The following ALPK3 variants were observed in gnomAD, a reference collection of about 807,000 sequenced individuals.
ALPK3 encodes the protein alpha kinase 3, also known as alpha-protein kinase 3.
ALPK3 carries 102 observed loss-of-function variants against 140.0 expected under a neutral mutation model. The ratio of observed to expected loss-of-function variants is 0.73; its 90% CI spans 0.62 to 0.86. ALPK3 has a LOEUF of 0.86. Among genes scored for constraint, ALPK3 ranks in the 40% least tolerant of loss-of-function variants. The probability of loss-of-function intolerance (pLI) is 0.00; values close to 1 mark genes in which losing one functional copy is unlikely to be tolerated. For synonymous variants in ALPK3, 938 were observed against 898.5 expected (o/e 1.04, Z -0.79); for missense variants, 2,254 against 2,208.2 (o/e 1.02, Z -0.42).
chr15:84,864,786 CT>C lies in ALPK3; in HGVS notation c.4723+125del, dbSNP rs1363770784. 7.3e-6 allele frequency: 8 copies of C among 1,095,842 alleles called. No homozygotes were observed. In the Admixed American group the frequency reaches 2.2e-4, roughly 30 times the overall value. The allele number at this position is 1,095,842 out of a possible 1,614,324, so 67.9% of individuals were successfully genotyped here. The stretch of plus-strand genomic sequence containing the variant: ...GCACCTTTGTCTTTATTCTTTTTTG[CT>C]TTTCACAATAATCTTGTAAAGTAGA... On this transcript the variant is annotated intron_variant, in intron 12 of 13. Transcript: ENST00000258888.
At chr15:84,849,350 A>G (rs1364809641) in intron 5 of ALPK3, among the ~76,000 whole-genome samples, 14 of 152,222 alleles carry the variant, frequency 9.2e-5, no homozygotes, top group Admixed American at 9.2e-4. Context: ...CTCAGTAATC[A>G]ATAGAACTAG....
rs1054259422 is a variant in ALPK3 at position 84,871,520 on chromosome 15, C to A, written c.*3064C>A. ...CCTTGCTGGGGGACTAAACTCTCCA[C>A]GCCAGCCCAGTCCCAAACCTAAACC... is the stretch of plus-strand genomic sequence containing the variant. On this transcript the variant is annotated 3_prime_UTR_variant, in exon 14 of 14. Coordinates refer to ENST00000258888, the MANE Select transcript of ALPK3 (RefSeq NM_020778.5). The A allele has an allele frequency of 6.6e-6, 1 of 152,254 alleles. No individual in the cohort carries two copies. The highest frequency in any genetic ancestry group is 1.5e-5 in the Non-Finnish European group (1 of 68,086). The allele number at this position is 152,254 out of a possible 1,614,324, so 9.4% of individuals were successfully genotyped here. A position where few individuals can be genotyped will look rare whatever the true frequency, so the allele number is the denominator to read the frequency against.
chr15:84,819,166 G>A (rs185222563), intron 1 of ALPK3, among the ~76,000 whole-genome samples: 3 of 152,356 alleles, frequency 2.0e-5, no homozygotes, highest in East Asian at 3.9e-4. Context: ...TTGTATGATA[G>A]ATAAATGTTA....
At chr15:84,865,164 G>C (rs755947761) in intron 12 of ALPK3, among the ~76,000 whole-genome samples, 18 of 151,850 alleles carry the variant, frequency 1.2e-4, no homozygotes, top group Non-Finnish European at 2.1e-4. Context: ...TTATTCCTAC[G>C]CCCCCCATTA....
intron 3 of ALPK3, among the ~76,000 whole-genome samples, chr15:84,829,274 TTC>T (rs1350367747): frequency 1.3e-5 from 2 of 152,378 alleles, no homozygotes; most frequent in South Asian, 4.1e-4. Context: ...TACCATCATT[TTC>T]TCTGTTTCCC....
At chr15:84,841,428 T>C (rs1422877883) in intron 5 of ALPK3, among the ~76,000 whole-genome samples, 1 of 152,244 alleles carries the variant, frequency 6.6e-6, no homozygotes, top group Non-Finnish European at 1.5e-5. Flanking sequence ...GGCATACCTA[T>C]ATGCAAATCT....
intron 12 of ALPK3, among the ~76,000 whole-genome samples, chr15:84,866,824 G>T (rs1173298767): frequency 6.6e-6 from 1 of 152,188 alleles, no homozygotes; most frequent in African/African-American, 2.4e-5. Flanking sequence ...CTGTTCAGAG[G>T]ATGAAGGTTT....
rs1158431329 is a variant in ALPK3, at chr15:84,862,759, T to C, written c.4254T>C (p.Cys1418=). ...SEELRGGGYG[C]GLRKASQAKV... is the part of the protein sequence containing the mutation. Reference sequence around the variant, plus strand: ...AGCTCCGAGGGGGTGGATATGGGTGTGGCCTTCGGAAGGCCTCCCAGGCCA... The same window carrying C: ...AGCTCCGAGGGGGTGGATATGGGTGCGGCCTTCGGAAGGCCTCCCAGGCCA... Residue 1418 remains cysteine (C), a synonymous_variant, in exon 10 of 14, where the codon TGT becomes TGC. Transcript: ENST00000258888. 1 of 1,614,128 alleles carries C rather than the reference T, an allele frequency of 6.2e-7. No homozygotes were observed. Among genetic ancestry groups the C allele is most frequent in the East Asian group, 2.2e-5 (1 of 44,854 alleles).
At position 84,857,585 on chromosome 15, in the gene ALPK3, C is replaced by T; in HGVS notation, c.2847C>T (p.Pro949=). 3 of 1,573,374 alleles carry T rather than the reference C, an allele frequency of 1.9e-6. No individual in the cohort carries two copies. Among genetic ancestry groups the T allele is most frequent in the Non-Finnish European group, 2.6e-6 (3 of 1,158,164 alleles). ...ATGTGGAGGGGCGGACCCCAGGTCC[C>T]CGGAGCTGTGACCCTGGCCTCATAG... The part of the protein sequence containing the change: ...VPDVEGRTPG[P]RSCDPGLIDS... The change falls in exon 6 of 14, where the codon CCC becomes CCT. Residue 949 remains proline, a synonymous_variant. Coordinates refer to ENST00000258888, the MANE Select transcript of ALPK3 (RefSeq NM_020778.5).
rs1476173336 is a variant in ALPK3 at position 84,839,863 on chromosome 15, A to G, written c.584A>G (p.Glu195Gly). ...LKRKAAAKLREIEQSWKHEKA... is the reference protein window; with the variant it reads ...LKRKAAAKLRGIEQSWKHEKA... ...CGCAAGGCTGCGGCAAAGCTGCGCGAGATCGAGCAGAGCTGGAAGCACGAG... is the reference window on the plus strand; with the variant it reads ...CGCAAGGCTGCGGCAAAGCTGCGCGGGATCGAGCAGAGCTGGAAGCACGAG... The change falls in exon 5 of 14, where the codon GAG becomes GGG. Residue 195 changes from glutamate to glycine, a missense_variant. Transcript: ENST00000258888. 3 of 1,614,088 alleles carry G rather than the reference A, an allele frequency of 1.9e-6. No individual in the cohort carries two copies. The highest frequency in any genetic ancestry group is 1.1e-5 in the South Asian group (1 of 91,086).
At chr15:84,822,009 T>C (rs1003034449) in intron 1 of ALPK3, among the ~76,000 whole-genome samples, 1 of 151,894 alleles carries the variant, frequency 6.6e-6, no homozygotes, top group Admixed American at 6.6e-5. Flanking sequence ...AGCGGGAGTG[T>C]GAGTAGATCA....
Position 84,857,822 on chromosome 15 carries a change from G to T in ALPK3, c.3084G>T (p.Gln1028His), listed in dbSNP as rs1963885082. The T allele has an allele frequency of 1.2e-6, 2 of 1,611,192 alleles. No homozygotes were observed. Among genetic ancestry groups the T allele is most frequent in the African/African-American group, 2.7e-5 (2 of 75,020 alleles). ...VENNHLVQSA[Q>H]TLLLSPCTSR... is the part of the protein sequence containing the mutation. Reference sequence around the variant, plus strand: ...ACAACCACCTGGTGCAGAGTGCACAGACCCTGCTGCTGAGCCCCTGTACCT... The same window carrying T: ...ACAACCACCTGGTGCAGAGTGCACATACCCTGCTGCTGAGCCCCTGTACCT... Residue 1028 changes from glutamine (Q) to histidine (H), a missense_variant, in exon 6 of 14, where the codon CAG becomes CAT. Physicochemically the swap from Gln to His is conservative, Grantham distance 24 (BLOSUM62 0). Coordinates refer to ENST00000258888, the MANE Select transcript of ALPK3 (RefSeq NM_020778.5).
rs1306312501 is a variant in ALPK3, at chr15:84,840,891, A to T, written c.1612A>T (p.Ser538Cys). ...PARRRHGTRDSTLQGQAGHRT... is the reference protein window; with the variant it reads ...PARRRHGTRDCTLQGQAGHRT... The stretch of plus-strand genomic sequence containing the variant: ...CCGGCGGAGACATGGCACCCGGGAC[A>T]GCACGTTGCAGGGGCAAGCAGGCCA... The change falls in exon 5 of 14, where the codon AGC becomes TGC. Residue 538 changes from serine to cysteine, a missense_variant. Ser to Cys is a moderately radical substitution (Grantham distance 112). Coordinates refer to ENST00000258888, the MANE Select transcript of ALPK3 (RefSeq NM_020778.5). The T allele has an allele frequency of 1.9e-6, 3 of 1,611,814 alleles. No homozygotes were observed.
rs1020926458 is a variant in ALPK3, at chr15:84,871,216, T to C, written c.*2760T>C. ...TTATGATGATGGACTTTTGATCTGG[T>C]GGAGGGACCCAAACCTTCAGTTCTG... On this transcript the variant is annotated 3_prime_UTR_variant, in exon 14 of 14. Coordinates refer to ENST00000258888, the MANE Select transcript of ALPK3 (RefSeq NM_020778.5). 7.2e-5 allele frequency: 11 copies of C among 152,658 alleles called. No individual in the cohort carries two copies. The highest frequency in any genetic ancestry group is 2.4e-4 in the African/African-American group (10 of 41,570). 9.5% of individuals were successfully genotyped at this position (152,658 alleles called of 1,614,324 possible).
chr15:84,821,200 C>T (rs1483214880), intron 1 of ALPK3, among the ~76,000 whole-genome samples: 2 of 152,188 alleles, frequency 1.3e-5, no homozygotes, highest in Non-Finnish European at 2.9e-5. Flanking sequence ...GGTCTCCCAC[C>T]TTCTGAAGAC....
chr15:84,862,958 C>A (rs947700032), intron 10 of ALPK3, 43 bp downstream of exon 10: 6 of 1,585,466 alleles, frequency 3.8e-6, no homozygotes, highest in African/African-American at 2.7e-5. Context: ...TATTCTCTCA[C>A]CCCCTCCCCT....
chr15:84,817,536 C>G lies in ALPK3; in HGVS notation c.84C>G (p.Pro28=), dbSNP rs1322418885. The G allele has an allele frequency of 2.0e-6, 3 of 1,499,554 alleles. No individual in the cohort carries two copies. The highest frequency in any genetic ancestry group is 2.7e-6 in the Non-Finnish European group (3 of 1,130,642). 92.9% of individuals were successfully genotyped at this position (1,499,554 alleles called of 1,614,324 possible). Residue 28 remains proline, a synonymous_variant, in exon 1 of 14, where the codon CCC becomes CCG. Coordinates refer to ENST00000258888, the MANE Select transcript of ALPK3 (RefSeq NM_020778.5). ...GGGGCGACGGTGAGGACGACGGCCC[C>G]GTGTGGATCCCCAGCCCAGCCAGCC... ...GAGGDGEDDG[P]VWIPSPASRS...
intron 5 of ALPK3, among the ~76,000 whole-genome samples, chr15:84,850,988 T>A (rs904212984): frequency 3.9e-5 from 6 of 152,160 alleles, no homozygotes; most frequent in Non-Finnish European, 7.4e-5. Context: ...TCATCCACCA[T>A]GTATTTATTG....
At position 84,871,592 on chromosome 15, in the gene ALPK3, C is replaced by T. The variant is rs1312126163; in HGVS notation, c.*3136C>T. 6.6e-6 allele frequency: 1 copy of T among 152,242 alleles called. No homozygotes were observed. Among genetic ancestry groups the T allele is most frequent in the Non-Finnish European group, 1.5e-5 (1 of 68,064 alleles). The allele number at this position is 152,242 out of a possible 1,614,324, so 9.4% of individuals were successfully genotyped here. ...AGATCTAGCAATAGCAGGGCCATGTCCACACTGCGTCCTATCCCTGAAGGA... is the reference window on the plus strand; with the variant it reads ...AGATCTAGCAATAGCAGGGCCATGTTCACACTGCGTCCTATCCCTGAAGGA... On this transcript the variant is annotated 3_prime_UTR_variant, in exon 14 of 14. Transcript: ENST00000258888.
Sources: gnomAD v4.1 joint callset for allele counts (sites outside exome capture counted in the v4.1 genomes callset) on GRCh38, gnomAD v4.1.1 for gene constraint, MANE v1.5 for transcripts, NCBI Gene and HGNC (gene_info 2026-07-23, HGNC 2026-07-21) for gene names.